The following APOLD1 variants were observed in gnomAD, a reference collection of about 807,000 sequenced individuals.
APOLD1 encodes the protein apolipoprotein L domain-containing protein 1.
Under a neutral mutation model 15.3 loss-of-function variants are expected in APOLD1, and 22 were observed. The observed-to-expected ratio is 1.44, with a 90% CI of 1.03 to 2.05. The LOEUF (loss-of-function observed/expected upper bound fraction) is 2.05. APOLD1 is among the 30% of genes most tolerant of loss of function. The pLI is 0.00. For missense variants in APOLD1, 394 were observed against 353.5 expected (o/e 1.11, Z -0.92); for synonymous variants, 190 against 167.4 (o/e 1.13, Z -1.04).
intron 1 of APOLD1, among the ~76,000 whole-genome samples, chr12:12,773,817 A>C (rs1947006699): frequency 6.6e-6 from 1 of 152,212 alleles, no homozygotes; most frequent in Non-Finnish European, 1.5e-5. Flanking sequence ...ACCTTTGACA[A>C]AGGAGCAAAA....
intron 1 of APOLD1, among the ~76,000 whole-genome samples, chr12:12,769,885 T>G (rs180745943): frequency 6.6e-6 from 1 of 152,292 alleles, no homozygotes; most frequent in East Asian, 1.9e-4. Flanking sequence ...TTCCTTTCCC[T>G]CCACACCTTG....
At chr12:12,758,103 T>TA (rs1383881343) in intron 1 of APOLD1, among the ~76,000 whole-genome samples, 1 of 150,488 alleles carries the variant, frequency 6.6e-6, no homozygotes, top group Non-Finnish European at 1.5e-5. Context: ...TTTTTTTCTT[T>TA]TTTTTTTTAA....
Position 12,788,945 on chromosome 12 carries a change from A to G in APOLD1, c.*1293A>G, listed in dbSNP as rs568112645. 12 of 152,082 alleles carry G rather than the reference A, an allele frequency of 7.9e-5. No individual in the cohort carries two copies. Among genetic ancestry groups the G allele is most frequent in the Non-Finnish European group, 1.6e-4 (11 of 68,018 alleles). 9.4% of individuals were successfully genotyped at this position (152,082 alleles called of 1,614,324 possible). A position where few individuals can be genotyped will look rare whatever the true frequency, so the allele number is the denominator to read the frequency against. ...GCACCCTGGGGCAGTGTCTCACCGTATGAACAAGGGATGTAACACTAAAAG... is the reference window on the plus strand; with the variant it reads ...GCACCCTGGGGCAGTGTCTCACCGTGTGAACAAGGGATGTAACACTAAAAG... On this transcript the variant is annotated 3_prime_UTR_variant, in exon 2 of 2. Coordinates refer to ENST00000356591, the MANE Select transcript of APOLD1 (RefSeq NM_030817.3).
intron 1 of APOLD1, among the ~76,000 whole-genome samples, chr12:12,769,330 G>C (rs181752652): frequency 4.7e-4 from 72 of 151,992 alleles, no homozygotes; most frequent in Admixed American, 1.9e-3. Flanking sequence ...TAAGAGATGG[G>C]AGGTCATAGA....
At chr12:12,727,889 C>T (rs529307359) in intron 1 of APOLD1, among the ~76,000 whole-genome samples, 1 of 150,930 alleles carries the variant, frequency 6.6e-6, no homozygotes, top group East Asian at 2.0e-4. Context: ...CATGAGCCAC[C>T]ATACCTAGCA....
At chr12:12,783,620 G>GT (rs201487821), upstream of APOLD1, among the ~76,000 whole-genome samples, 28 of 127,500 alleles carry the variant, frequency 2.2e-4, no homozygotes, top group South Asian at 8.7e-4. Flanking sequence ...GCCCCAGTTG[G>GT]TTTTTTTTTG....
upstream of APOLD1, among the ~76,000 whole-genome samples, chr12:12,783,462 C>G (rs1241785128): frequency 6.6e-6 from 1 of 151,680 alleles, no homozygotes; most frequent in East Asian, 2.0e-4. Context: ...AGGAGCACGC[C>G]ACCACACACA....
chr12:12,738,272 G>C lies in APOLD1; in HGVS notation c.96+12176G>C, dbSNP rs530548761. On this transcript the variant is annotated intron_variant, in intron 1 of 1. Coordinates refer to the APOLD1 transcript ENST00000326765. Reference sequence around the variant, plus strand: ...TGCCCAGGCTGCAGTGCAGTGGCATGATCATGGCTCACTGCAGCCTCGACC... The same window carrying C: ...TGCCCAGGCTGCAGTGCAGTGGCATCATCATGGCTCACTGCAGCCTCGACC... 9.9e-5 allele frequency among the ~76,000 whole-genome samples: 14 copies of C among 142,094 alleles called. No homozygotes were observed. The East Asian group carries it at 2.6e-3, about 27-fold the overall frequency. 93.2% of individuals were successfully genotyped at this position (142,094 alleles called of 152,430 possible).
rs1378917068 is a variant in APOLD1 at position 12,787,316 on chromosome 12, C to T, written c.411C>T (p.Cys137=). Residue 137 remains cysteine, a synonymous_variant, in exon 2 of 2, where the codon TGC becomes TGT. Transcript: ENST00000356591. The surrounding 1 kb of genome is among the most constrained non-coding windows in gnomAD (Gnocchi z 4.9). Reference sequence around the variant, plus strand: ...ACCAGATGCGAGAGATCCTGAGCTGCCTCGAGTTTTTCTGCCGCTGGCAGG... The same window carrying T: ...ACCAGATGCGAGAGATCCTGAGCTGTCTCGAGTTTTTCTGCCGCTGGCAGG... ...CQDQMREILS[C]LEFFCRWQGC... 6.2e-7 allele frequency: 1 copy of T among 1,613,264 alleles called. No individual in the cohort carries two copies. Among genetic ancestry groups the T allele is most frequent in the Admixed American group, 1.7e-5 (1 of 59,998 alleles).
In APOLD1 at chr12:12,787,560, C is replaced by T. The variant is rs148025872; in HGVS notation, c.655C>T (p.Gln219Ter). 339 of 1,613,590 alleles carry T rather than the reference C, an allele frequency of 2.1e-4. No individual in the cohort carries two copies. The highest frequency in any genetic ancestry group is 2.8e-4 in the Non-Finnish European group (326 of 1,180,038). Residue 219 changes from glutamine to a stop codon, truncating the protein, a stop_gained, in exon 2 of 2, where the codon CAG becomes TAG. Transcript: ENST00000356591. LOFTEE classifies it high-confidence loss of function. The surrounding 1 kb of genome is among the most constrained non-coding windows in gnomAD (Gnocchi z 4.9). ...CGGGGCTCTGGACGAACTCAGCGAG[C>T]AGCTGGAGTCTCGGGTTCAGCTCTG... is the stretch of plus-strand genomic sequence containing the variant. The part of the protein sequence containing the change: ...CTGALDELSE[Q>*]LESRVQLCTK...
intron 1 of APOLD1, among the ~76,000 whole-genome samples, chr12:12,770,924 T>C (rs1423987737): frequency 6.6e-6 from 1 of 152,058 alleles, no homozygotes; most frequent in African/African-American, 2.4e-5. Context: ...CCTCAGACAG[T>C]ATGCAAGCAA....
At chr12:12,770,567 G>GAAAAAAAAAAAAAAAAAAAAAAAAGAAA (rs36112693) in intron 1 of APOLD1, among the ~76,000 whole-genome samples, 1 of 119,270 alleles carries the variant, frequency 8.4e-6, no homozygotes, top group African/African-American at 3.1e-5. Context: ...AAAAAAGACT[G>GAAAAAAAAAAAAAAAAAAAAAAAAGAAA]AAAAAAAAAA....
chr12:12,787,307 C>G lies in APOLD1; in HGVS notation c.402C>G (p.Ile134Met). ...AATCQDQMRE[I>M]LSCLEFFCRW... Reference sequence around the variant, plus strand: ...CCTGCCAGGACCAGATGCGAGAGATCCTGAGCTGCCTCGAGTTTTTCTGCC... The same window carrying G: ...CCTGCCAGGACCAGATGCGAGAGATGCTGAGCTGCCTCGAGTTTTTCTGCC... The change falls in exon 2 of 2, where the codon ATC (isoleucine) becomes ATG (methionine). Residue 134 changes from isoleucine to methionine, a missense_variant. Physicochemically the swap from Ile to Met is conservative, Grantham distance 10. Coordinates refer to ENST00000356591, the MANE Select transcript of APOLD1 (RefSeq NM_030817.3). This position sits in a 1 kb window ranked among gnomAD's most constrained non-coding sequence, Gnocchi z 4.9. The G allele has an allele frequency of 6.2e-7, 1 of 1,612,440 alleles. No homozygotes were observed. Among genetic ancestry groups the G allele is most frequent in the Non-Finnish European group, 8.5e-7 (1 of 1,179,598 alleles).
chr12:12,773,165 T>C (rs1401356204), intron 1 of APOLD1, among the ~76,000 whole-genome samples: 4 of 152,228 alleles, frequency 2.6e-5, no homozygotes, highest in African/African-American at 9.6e-5. Flanking sequence ...GAAATTTTTG[T>C]AGCATTGAAT....
chr12:12,741,338 C>T (rs1315480310), intron 1 of APOLD1, among the ~76,000 whole-genome samples: 10 of 152,186 alleles, frequency 6.6e-5, no homozygotes, highest in Non-Finnish European at 1.5e-4. Flanking sequence ...TCCTGAGTAG[C>T]TGAGGCTACA....
chr12:12,738,007 C>T (rs1216683949), intron 1 of APOLD1, among the ~76,000 whole-genome samples: 1 of 152,160 alleles, frequency 6.6e-6, no homozygotes, highest in Non-Finnish European at 1.5e-5. Context: ...TGCTTTTCTT[C>T]TCTCTTCACA....
At chr12:12,743,339 C>T (rs1010289141) in intron 1 of APOLD1, among the ~76,000 whole-genome samples, 8 of 151,744 alleles carry the variant, frequency 5.3e-5, no homozygotes, top group South Asian at 2.1e-4. Context: ...CTGATGCCAG[C>T]GTGGGCAACA....
intron 1 of APOLD1, among the ~76,000 whole-genome samples, chr12:12,750,878 G>A (rs1946808076): frequency 6.6e-6 from 1 of 151,792 alleles, no homozygotes; most frequent in South Asian, 2.1e-4. Context: ...GGGCTGAAGC[G>A]ATCCTCCCAC....
chr12:12,784,642 T>C (rs890780080), upstream of APOLD1, among the ~76,000 whole-genome samples: 1 of 152,160 alleles, frequency 6.6e-6, no homozygotes, highest in Admixed American at 6.5e-5. Context: ...AGATAATCCT[T>C]ATTCAAGTGA....
Sources: allele counts gnomAD v4.1 joint callset (sites outside exome capture counted in the v4.1 genomes callset), GRCh38; gene constraint gnomAD v4.1.1; non-coding constraint Gnocchi (gnomAD v3.1); transcripts MANE v1.5; gene names NCBI Gene and HGNC (gene_info 2026-07-23, HGNC 2026-07-21).